The following KATNBL1 variants were observed in gnomAD, a reference collection of about 807,000 sequenced individuals.
KATNBL1 encodes the protein katanin regulatory subunit B1 like 1.
Under a neutral mutation model 44.7 loss-of-function variants are expected in KATNBL1, and 28 were observed. The observed-to-expected ratio is 0.63, with a 90% CI of 0.46 to 0.86. KATNBL1 has a LOEUF of 0.86. Among genes scored for constraint, KATNBL1 ranks in the 40% least tolerant of loss-of-function variants. The probability of loss-of-function intolerance (pLI) is 0.00; values close to 1 mark genes in which losing one functional copy is unlikely to be tolerated. For missense variants in KATNBL1, 272 were observed against 350.7 expected (o/e 0.78, Z 1.79); for synonymous variants, 78 against 114.9 (o/e 0.68, Z 2.06).
At chr15:34,183,093 G>T (rs1161877279) in intron 1 of KATNBL1, among the ~76,000 whole-genome samples, 1 of 152,218 alleles carries the variant, frequency 6.6e-6, no homozygotes, top group Non-Finnish European at 1.5e-5. Context: ...TTGTCTCCAG[G>T]AAACTGGTTA....
rs2879443 is a variant in KATNBL1, at chr15:34,195,776, G to T, written c.-15+14175C>A. 6.6e-5 allele frequency among the ~76,000 whole-genome samples: 10 copies of T among 151,888 alleles called. No individual in the cohort carries two copies. In the East Asian group the frequency reaches 1.7e-3, roughly 26 times the overall value. The stretch of plus-strand genomic sequence containing the variant: ...GTAACTGTCAAATGACTATGTATTG[G>T]GAATTCTGCAAACCACACTGCATTC... On this transcript the variant is annotated intron_variant, in intron 1 of 9. Coordinates refer to ENST00000256544, the MANE Select transcript of KATNBL1 (RefSeq NM_024713.3).
chr15:34,185,417 G>A (rs558442996), intron 1 of KATNBL1, among the ~76,000 whole-genome samples: 9 of 152,308 alleles, frequency 5.9e-5, no homozygotes, highest in African/African-American at 2.2e-4. Flanking sequence ...AACTAATCCA[G>A]GTGTGTCTCC....
chr15:34,167,689 C>A (rs1396309091), intron 1 of KATNBL1, among the ~76,000 whole-genome samples: 4 of 152,070 alleles, frequency 2.6e-5, no homozygotes, highest in Non-Finnish European at 4.4e-5. Flanking sequence ...TTAAGGGCAG[C>A]CAGAGAGAAA....
chr15:34,195,693 A>AAAAAAAAAAAAACAAAAAAAAAC (rs1359933138), intron 1 of KATNBL1, among the ~76,000 whole-genome samples: 1 of 150,246 alleles, frequency 6.7e-6, no homozygotes, highest in African/African-American at 2.5e-5. Context: ...GCCATCTCAA[A>AAAAAAAAAAAAACAAAAAAAAAC]AAAAAAAAAA....
In KATNBL1 at chr15:34,148,751, C is replaced by G. The variant is rs1567516927; in HGVS notation, c.439-1G>C. The G allele has an allele frequency of 3.3e-6, 5 of 1,529,896 alleles. No individual in the cohort carries two copies. The highest frequency in any genetic ancestry group is 4.5e-6 in the Non-Finnish European group (5 of 1,103,780). 94.8% of individuals were successfully genotyped at this position (1,529,896 alleles called of 1,614,324 possible). A position where few individuals can be genotyped will look rare whatever the true frequency, so the allele number is the denominator to read the frequency against. On this transcript the variant is annotated splice_acceptor_variant, in intron 4 of 9. Coordinates refer to ENST00000256544, the MANE Select transcript of KATNBL1 (RefSeq NM_024713.3). LOFTEE classifies it high-confidence loss of function. Reference sequence around the variant, plus strand: ...CCATTGTTTCATGGTCCTGAGAAACCTGAAAGGCAATAATCTGATTTGTTA... The same window carrying G: ...CCATTGTTTCATGGTCCTGAGAAACGTGAAAGGCAATAATCTGATTTGTTA...
chr15:34,151,724 A>G (rs896141876), intron 4 of KATNBL1, among the ~76,000 whole-genome samples: 1 of 151,872 alleles, frequency 6.6e-6, no homozygotes, highest in Non-Finnish European at 1.5e-5. Flanking sequence ...ATGCCTAGCT[A>G]ATTTTTGTAT....
At chr15:34,171,719 A>T (rs1487770646) in intron 1 of KATNBL1, among the ~76,000 whole-genome samples, 2 of 152,240 alleles carry the variant, frequency 1.3e-5, no homozygotes, top group Non-Finnish European at 2.9e-5. Flanking sequence ...GGATTAAGAA[A>T]ATGTGGCACA....
chr15:34,145,027 T>G (rs571679087), intron 9 of KATNBL1: 1 of 972,174 alleles, frequency 1.0e-6, no homozygotes, highest in Non-Finnish European at 1.2e-6. Flanking sequence ...TAAAACTTAA[T>G]CTCCAAAACC....
At chr15:34,188,041 G>T (rs1408558292) in intron 1 of KATNBL1, among the ~76,000 whole-genome samples, 2 of 146,124 alleles carry the variant, frequency 1.4e-5, no homozygotes, top group Non-Finnish European at 3.0e-5. Flanking sequence ...CGGTAGGTTG[G>T]GGCAAGAGAA....
chr15:34,207,804 T>C (rs893646655), intron 1 of KATNBL1, among the ~76,000 whole-genome samples: 1 of 152,102 alleles, frequency 6.6e-6, no homozygotes, highest in Non-Finnish European at 1.5e-5. Context: ...GGTCTCGCTA[T>C]GTTGCCTAGG....
At chr15:34,173,230 C>A (rs543646688) in intron 1 of KATNBL1, among the ~76,000 whole-genome samples, 1 of 151,836 alleles carries the variant, frequency 6.6e-6, no homozygotes, top group African/African-American at 2.4e-5. Context: ...GAAAACTGTA[C>A]AAGGTTGAAG....
chr15:34,165,085 T>G (rs1888924156), intron 1 of KATNBL1, among the ~76,000 whole-genome samples: 1 of 152,178 alleles, frequency 6.6e-6, no homozygotes, highest in African/African-American at 2.4e-5. Flanking sequence ...TTTTGAAAAG[T>G]AAATAAATAA....
Position 34,169,907 on chromosome 15 carries a change from C to T in KATNBL1, c.-14-6217G>A, listed in dbSNP as rs539034556. Among the ~76,000 whole-genome samples, 404 of 152,256 alleles carry T rather than the reference C, an allele frequency of 2.7e-3. 2 individuals carry two copies. Among genetic ancestry groups the T allele is most frequent in the Non-Finnish European group, 3.7e-3 (254 of 68,026 alleles). On this transcript the variant is annotated intron_variant, in intron 1 of 9. Coordinates refer to ENST00000256544, the MANE Select transcript of KATNBL1 (RefSeq NM_024713.3). ...TCAACAGCCCTTCATGCTAAAAACT[C>T]TCAATAAACTAGGTACTGAAGAATC...
At chr15:34,146,025 T>C (rs1888300483) in intron 8 of KATNBL1, 1 of 148,868 alleles carries the variant, frequency 6.7e-6, no homozygotes, top group Non-Finnish European at 1.5e-5. Flanking sequence ...CTCGGCTTAC[T>C]GCAACCTCCA....
At chr15:34,198,557 T>A (rs991704634) in intron 1 of KATNBL1, among the ~76,000 whole-genome samples, 7 of 152,260 alleles carry the variant, frequency 4.6e-5, no homozygotes, top group Non-Finnish European at 8.8e-5. Context: ...AATGAATGTT[T>A]CTCTACATTT....
intron 1 of KATNBL1, among the ~76,000 whole-genome samples, chr15:34,185,690 G>A (rs2140976358): frequency 6.6e-6 from 1 of 152,276 alleles, no homozygotes; most frequent in South Asian, 2.1e-4. Context: ...CTCTAATCAG[G>A]TGCTGCAGCT....
chr15:34,199,329 C>G (rs907341047), intron 1 of KATNBL1, among the ~76,000 whole-genome samples: 1 of 152,126 alleles, frequency 6.6e-6, no homozygotes, highest in Non-Finnish European at 1.5e-5. Flanking sequence ...CCCAGCTACT[C>G]TGGAGGCTAA....
At chr15:34,182,453 G>A (rs1444765996) in intron 1 of KATNBL1, among the ~76,000 whole-genome samples, 4 of 152,104 alleles carry the variant, frequency 2.6e-5, no homozygotes, top group African/African-American at 9.7e-5. Flanking sequence ...ATCTCAGTAT[G>A]CCCTCATTTA....
intron 2 of KATNBL1, among the ~76,000 whole-genome samples, chr15:34,157,850 C>T (rs1165403925): frequency 6.6e-6 from 1 of 152,182 alleles, no homozygotes; most frequent in Non-Finnish European, 1.5e-5. Context: ...TTCTTAATGA[C>T]ATGTGCAATG....
Sources: gnomAD v4.1 joint callset for allele counts (sites outside exome capture counted in the v4.1 genomes callset) on GRCh38, gnomAD v4.1.1 for gene constraint, MANE v1.5 for transcripts, NCBI Gene and HGNC (gene_info 2026-07-23, HGNC 2026-07-21) for gene names.